Variants in SLAMF9 observed in about 807,000 individuals in gnomAD.
SLAMF9 encodes CD2 family member 10.
In SLAMF9, 25 loss-of-function variants were observed where a neutral mutation model predicts 30.4. The observed-to-expected ratio is 0.82, with a 90% CI of 0.60 to 1.15. SLAMF9 has a LOEUF of 1.15. SLAMF9 is among the 50% of genes most tolerant of loss of function. The probability of loss-of-function intolerance (pLI) is 0.00; values close to 1 mark genes in which losing one functional copy is unlikely to be tolerated. For missense variants in SLAMF9, 344 were observed against 346.1 expected (o/e 0.99, Z 0.05); for synonymous variants, 129 against 127.2 (o/e 1.01, Z -0.09).
chr1:159,983,705 G>T, the SLAMF9 span: 1 of 152,282 alleles, frequency 6.6e-6, no homozygotes, highest in African/African-American at 2.4e-5. Context: ...GGCAAGGCAG[G>T]GATGGGGTGG....
chr1:159,979,817 T>C, the SLAMF9 span, among the ~76,000 whole-genome samples: 44 of 152,186 alleles, frequency 2.9e-4, no homozygotes, highest in Admixed American at 2.0e-4. Flanking sequence ...AAGCGAAGTG[T>C]CAGGTTGCTG....
the SLAMF9 span, among the ~76,000 whole-genome samples, chr1:159,964,943 G>A: frequency 1.4e-4 from 22 of 152,310 alleles, no homozygotes; most frequent in African/African-American, 4.8e-4. Context: ...GTCTGCACAC[G>A]ATGCCATTTT....
chr1:159,959,842 G>A, the SLAMF9 span, among the ~76,000 whole-genome samples: 12 of 151,990 alleles, frequency 7.9e-5, no homozygotes, highest in African/African-American at 2.9e-4. Flanking sequence ...CCCATTGTAC[G>A]TTCCTCAAGG....
At chr1:159,957,556 G>A (rs181895182), upstream of SLAMF9, among the ~76,000 whole-genome samples, 3 of 152,158 alleles carry the variant, frequency 2.0e-5, no homozygotes, top group East Asian at 1.9e-4. Context: ...CCTGGGAGGC[G>A]GAGGTTGCAG....
Position 159,951,987 on chromosome 1 carries a change from G to C in SLAMF9, c.665-121C>G. On this transcript the variant is annotated intron_variant, in intron 3 of 3. Coordinates refer to ENST00000368093, the MANE Select transcript of SLAMF9 (RefSeq NM_033438.4). ...GTTCACAATCAGTTGAAGTCCCCTT[G>C]CAAGTGTCTCTGGAAATATATTCTA... 7 of 813,410 alleles carry C rather than the reference G, an allele frequency of 8.6e-6. No homozygotes were observed. In the South Asian group the frequency reaches 1.0e-4, roughly 12 times the overall value. 50.4% of individuals were successfully genotyped at this position (813,410 alleles called of 1,614,324 possible). A position where few individuals can be genotyped will look rare whatever the true frequency, so the allele number is the denominator to read the frequency against.
chr1:159,965,235 G>A, the SLAMF9 span, among the ~76,000 whole-genome samples: 34 of 152,198 alleles, frequency 2.2e-4, no homozygotes, highest in African/African-American at 6.3e-4. Flanking sequence ...GATCTGTACC[G>A]TCTGATCAGA....
In SLAMF9 at chr1:159,951,697, C is replaced by A. The variant is rs766208517; in HGVS notation, c.834G>T (p.Leu278Phe). The change falls in exon 4 of 4, where the codon TTG (leucine) becomes TTT (phenylalanine). Residue 278 changes from leucine to phenylalanine, a missense_variant. Leu to Phe is a conservative substitution (Grantham distance 22). Transcript: ENST00000368093. ...MKKLMRNRMKLRKEAKPGSSP... is the reference protein window; with the variant it reads ...MKKLMRNRMKFRKEAKPGSSP... Reference sequence around the variant, plus strand: ...TGGAGCCAGGCTTTGCCTCCTTCCTCAATTTCATTCTGTTTCTCATGAGTT... The same window carrying A: ...TGGAGCCAGGCTTTGCCTCCTTCCTAAATTTCATTCTGTTTCTCATGAGTT... 6.8e-6 allele frequency: 11 copies of A among 1,614,072 alleles called. No individual in the cohort carries two copies. The highest frequency in any genetic ancestry group is 7.6e-6 in the Non-Finnish European group (9 of 1,180,048).
the SLAMF9 span, among the ~76,000 whole-genome samples, chr1:159,963,364 G>A: frequency 5.6e-4 from 86 of 152,264 alleles, no homozygotes; most frequent in African/African-American, 2.0e-3. Context: ...GTTTATTCAA[G>A]AACGTTAGCT....
the SLAMF9 span, among the ~76,000 whole-genome samples, chr1:159,968,789 G>A: frequency 2.6e-5 from 4 of 152,140 alleles, no homozygotes; most frequent in East Asian, 1.9e-4. Flanking sequence ...GGTGGCTCAC[G>A]CCTGTAATCT....
At chr1:159,957,121 CA>C (rs55697835), upstream of SLAMF9, among the ~76,000 whole-genome samples, 14 of 73,184 alleles carry the variant, frequency 1.9e-4, no homozygotes, top group African/African-American at 2.5e-4. Context: ...GACTCTGTCT[CA>C]AAAAAAAAAA....
At chr1:159,963,764 T>TA in the SLAMF9 span, among the ~76,000 whole-genome samples, 1 of 152,112 alleles carries the variant, frequency 6.6e-6, no homozygotes, top group South Asian at 2.1e-4. Context: ...GAGAGCTAGT[T>TA]AAAATGCTTA....
chr1:159,959,172 A>C (rs550722815), upstream of SLAMF9, among the ~76,000 whole-genome samples: 3 of 151,754 alleles, frequency 2.0e-5, no homozygotes, highest in South Asian at 6.3e-4. Flanking sequence ...AGGTGTTAAA[A>C]CTCTTCTTAC....
At chr1:159,968,950 G>A in the SLAMF9 span, among the ~76,000 whole-genome samples, 2 of 152,180 alleles carry the variant, frequency 1.3e-5, no homozygotes, top group Admixed American at 1.3e-4. Context: ...GCTGAGGCAG[G>A]AGAACCACTT....
chr1:159,964,065 A>G, the SLAMF9 span, among the ~76,000 whole-genome samples: 1 of 151,904 alleles, frequency 6.6e-6, no homozygotes, highest in Non-Finnish European at 1.5e-5. Context: ...GTCTCAAAAA[A>G]CAAACAAACA....
In SLAMF9 at chr1:159,954,095, C is replaced by T. The variant is rs1321220563; in HGVS notation, c.43G>A (p.Glu15Lys). 6.2e-7 allele frequency: 1 copy of T among 1,614,012 alleles called. No individual in the cohort carries two copies. Among genetic ancestry groups the T allele is most frequent in the East Asian group, 2.2e-5 (1 of 44,872 alleles). ...PWLLLLLLLQEGSQRRLWRWC... is the reference protein window; with the variant it reads ...PWLLLLLLLQKGSQRRLWRWC... Reference sequence around the variant, plus strand: ...ACGAGCTGGCAGCTTCACTCACCCTCCTGGAGCAGCAGGAGAAGAAGCAGC... The same window carrying T: ...ACGAGCTGGCAGCTTCACTCACCCTTCTGGAGCAGCAGGAGAAGAAGCAGC... The change falls in exon 1 of 4, where the codon GAG (glutamate) becomes AAG (lysine). Residue 15 changes from glutamate (E) to lysine (K), a missense_variant. Transcript: ENST00000368093.
chr1:159,972,915 C>T, the SLAMF9 span: 5 of 1,003,468 alleles, frequency 5.0e-6, no homozygotes, highest in East Asian at 1.5e-4. Flanking sequence ...GGGGACACTT[C>T]CCACAACTCC....
At chr1:159,981,122 A>G in the SLAMF9 span, among the ~76,000 whole-genome samples, 22,747 of 152,160 alleles carry the variant, frequency 0.15, 1,762 homozygotes, top group Middle Eastern at 0.23. Context: ...ATTTGGAGAC[A>G]GGGTATTTTA....
chr1:159,967,839 A>G, the SLAMF9 span, among the ~76,000 whole-genome samples: 18 of 152,118 alleles, frequency 1.2e-4, no homozygotes, highest in Non-Finnish European at 1.9e-4. Flanking sequence ...ATTTACATCT[A>G]ACTATTTTAT....
upstream of SLAMF9, among the ~76,000 whole-genome samples, chr1:159,958,250 G>C (rs924241072): frequency 2.0e-5 from 3 of 152,200 alleles, no homozygotes; most frequent in African/African-American, 7.2e-5. Context: ...ACTCTTGAAG[G>C]GGGAGCCGAG....
Sources: allele counts gnomAD v4.1 joint callset (sites outside exome capture counted in the v4.1 genomes callset), GRCh38; gene constraint gnomAD v4.1.1; transcripts MANE v1.5; gene names NCBI Gene and HGNC (gene_info 2026-07-23, HGNC 2026-07-21).